The following STX8 variants were observed in gnomAD, a reference collection of about 807,000 sequenced individuals.
STX8 encodes the protein syntaxin 8, also known as syntaxin-8.
A neutral mutation model predicts 37.5 loss-of-function variants in STX8; 23 were observed. The observed-to-expected ratio is 0.61, with a 90% CI of 0.44 to 0.87. STX8 has a LOEUF of 0.87. Among genes scored for constraint, STX8 ranks in the 40% least tolerant of loss-of-function variants. The pLI is 0.00. For synonymous variants in STX8, 115 were observed against 99.1 expected, an observed-to-expected ratio of 1.16 and a Z score of -0.95; for missense variants, 313 against 284.7, an observed-to-expected ratio of 1.10 and a Z score of -0.71.
intron 4 of STX8, among the ~76,000 whole-genome samples, chr17:9,542,274 C>T (rs1209414620): frequency 6.6e-6 from 1 of 150,688 alleles, no homozygotes; most frequent in Non-Finnish European, 1.5e-5. Flanking sequence ...AGGAGAATCA[C>T]TTGAACTCGG....
intron 6 of STX8, among the ~76,000 whole-genome samples, chr17:9,462,518 T>G (rs1230909835): frequency 2.0e-5 from 3 of 152,066 alleles, no homozygotes; most frequent in Non-Finnish European, 4.4e-5. Context: ...AAACAGGAGT[T>G]TGAGACCAGC....
At chr17:9,257,868 A>G (rs1906860040) in intron 7 of STX8, among the ~76,000 whole-genome samples, 1 of 152,206 alleles carries the variant, frequency 6.6e-6, no homozygotes. Context: ...AGGTGCCTGT[A>G]ATCCCAGCTA....
chr17:9,488,821 A>AGTGTGTGTGTGTGTGTGT (rs71135988), intron 6 of STX8, among the ~76,000 whole-genome samples: 9 of 144,012 alleles, frequency 6.2e-5, no homozygotes, highest in African/African-American at 2.1e-4. Flanking sequence ...AGAGAGAGAG[A>AGTGTGTGTGTGTGTGTGT]GTGTGTGTGT....
intron 1 of STX8, among the ~76,000 whole-genome samples, chr17:9,571,790 T>C (rs931228306): frequency 6.7e-6 from 1 of 150,316 alleles, no homozygotes; most frequent in Non-Finnish European, 1.5e-5. Context: ...TGGCGGGTGC[T>C]TGTAATCCCA....
chr17:9,296,743 G>A (rs749142934), intron 7 of STX8, among the ~76,000 whole-genome samples: 29 of 151,988 alleles, frequency 1.9e-4, no homozygotes, highest in Non-Finnish European at 2.6e-4. Context: ...TGTAGTAACC[G>A]CTTGCCATGC....
intron 7 of STX8, among the ~76,000 whole-genome samples, chr17:9,323,752 C>G (rs1264638901): frequency 2.0e-5 from 3 of 152,170 alleles, no homozygotes; most frequent in African/African-American, 7.2e-5. Flanking sequence ...GGAGGCCTGT[C>G]CTGAGCGTCT....
At chr17:9,376,604 G>GTCACT (rs1170123694) in intron 7 of STX8, among the ~76,000 whole-genome samples, 1 of 152,186 alleles carries the variant, frequency 6.6e-6, no homozygotes, top group Non-Finnish European at 1.5e-5. Context: ...TTCTTTCACT[G>GTCACT]TTCACAATAA....
intron 7 of STX8, among the ~76,000 whole-genome samples, chr17:9,340,812 T>C (rs2314641): frequency 0.98 from 147,729 of 150,222 alleles, 72,692 homozygotes; most frequent in East Asian, 1. Flanking sequence ...CATGTGCGAC[T>C]ATGCCTGGCT....
chr17:9,440,815 G>A (rs897987186), intron 6 of STX8, among the ~76,000 whole-genome samples: 9 of 151,658 alleles, frequency 5.9e-5, no homozygotes, highest in African/African-American at 1.7e-4. Context: ...GTGAGCCACC[G>A]CATCCAGCCT....
intron 2 of STX8, among the ~76,000 whole-genome samples, chr17:9,563,141 A>G (rs1907311559): frequency 6.6e-6 from 1 of 150,498 alleles, no homozygotes; most frequent in Admixed American, 6.7e-5. Flanking sequence ...TCTGTCATTC[A>G]TTCATTCATC....
rs1156741914 is a variant in STX8 at position 9,496,069 on chromosome 17, CTT to C, written c.449-4150_449-4149del. ...AAACCATACCATGCAGTTTCTTTTTCTTTCTCTTTTTTTTTTTTTTTTTGAGA... is the reference window on the plus strand; with the variant it reads ...AAACCATACCATGCAGTTTCTTTTTCTCTCTTTTTTTTTTTTTTTTTGAGA... On this transcript the variant is annotated intron_variant, in intron 5 of 7. Transcript: ENST00000306357. 3.3e-4 allele frequency among the ~76,000 whole-genome samples: 26 copies of C among 79,104 alleles called. No individual in the cohort carries two copies. The South Asian group carries it at 5.9e-3, about 18-fold the overall frequency. 51.9% of individuals were successfully genotyped at this position (79,104 alleles called of 152,430 possible). A position where few individuals can be genotyped will look rare whatever the true frequency, so the allele number is the denominator to read the frequency against.
At chr17:9,435,032 C>T (rs962642347) in intron 6 of STX8, among the ~76,000 whole-genome samples, 2 of 152,112 alleles carry the variant, frequency 1.3e-5, no homozygotes, top group Non-Finnish European at 2.9e-5. Flanking sequence ...CTTCACTGCA[C>T]GCCCTGTTTT....
intron 4 of STX8, among the ~76,000 whole-genome samples, chr17:9,540,453 G>A (rs780635098): frequency 6.6e-6 from 1 of 152,104 alleles, no homozygotes; most frequent in African/African-American, 2.4e-5. Flanking sequence ...TTCCCGTTAC[G>A]GTGTTGGGTC....
intron 6 of STX8, among the ~76,000 whole-genome samples, chr17:9,457,896 A>T (rs1567569538): frequency 1.3e-5 from 2 of 152,348 alleles, no homozygotes; most frequent in Admixed American, 6.5e-5. Context: ...TTTGACAAGG[A>T]GAATAGGTTC....
intron 4 of STX8, among the ~76,000 whole-genome samples, chr17:9,511,570 A>G (rs1346481717): frequency 6.6e-6 from 1 of 152,168 alleles, no homozygotes; most frequent in Admixed American, 6.5e-5. Context: ...AAAACTCTCA[A>G]TAAACTAGGT....
chr17:9,376,155 T>C lies in STX8; in HGVS notation c.643+2397A>G, dbSNP rs1468584193. ...TGGACTTCTGGGTCGGGTGGGGACTTGGAGAACTTTTCTGTCTCACTAAAG... is the reference window on the plus strand; with the variant it reads ...TGGACTTCTGGGTCGGGTGGGGACTCGGAGAACTTTTCTGTCTCACTAAAG... On this transcript the variant is annotated intron_variant, in intron 7 of 7. Transcript: ENST00000306357. Among the ~76,000 whole-genome samples the C allele has an allele frequency of 2.1e-4, 32 of 152,198 alleles. 1 individual carries two copies. The highest frequency in any genetic ancestry group is 2.0e-3 in the Admixed American group (30 of 15,272).
intron 1 of STX8, among the ~76,000 whole-genome samples, chr17:9,574,568 C>T (rs926978230): frequency 1.3e-5 from 2 of 149,682 alleles, no homozygotes; most frequent in African/African-American, 4.9e-5. Context: ...GAGTTTCGCT[C>T]GTGTTGCCCA....
intron 6 of STX8, among the ~76,000 whole-genome samples, chr17:9,399,288 A>G (rs1167562967): frequency 6.6e-6 from 1 of 152,214 alleles, no homozygotes; most frequent in Non-Finnish European, 1.5e-5. Context: ...CTAAGGGATC[A>G]TAACAATTCC....
intron 6 of STX8, among the ~76,000 whole-genome samples, chr17:9,446,526 G>A (rs1011490687): frequency 6.6e-6 from 1 of 152,224 alleles, no homozygotes; most frequent in African/African-American, 2.4e-5. Flanking sequence ...CAAGGCTGGT[G>A]AGGAGGAGGA....
Sources: allele counts gnomAD v4.1 joint callset (sites outside exome capture counted in the v4.1 genomes callset), GRCh38; gene constraint gnomAD v4.1.1; transcripts MANE v1.5; gene names NCBI Gene and HGNC (gene_info 2026-07-23, HGNC 2026-07-21).